ELAVL1: variants seen among roughly 807,000 people sequenced by gnomAD.
ELAVL1 encodes the protein ELAV-like protein 1.
Under a neutral mutation model 28.4 loss-of-function variants are expected in ELAVL1, and 1 was observed. The observed-to-expected ratio is 0.04, with a 90% CI of 0.01 to 0.17. The LOEUF is 0.17. ELAVL1 is among the 10% of genes least tolerant of loss of function. The pLI is 1.00. For synonymous variants in ELAVL1, 174 were observed against 183.5 expected, an observed-to-expected ratio of 0.95 and a Z score of 0.42; for missense variants, 157 against 447.2, an observed-to-expected ratio of 0.35 and a Z score of 5.85.
rs1326463554 is a variant in ELAVL1 at position 7,961,494 on chromosome 19, C to T, written c.*1989G>A. 6.6e-6 allele frequency: 1 copy of T among 152,212 alleles called. No homozygotes were observed. The highest frequency in any genetic ancestry group is 6.5e-5 in the Admixed American group (1 of 15,278). 9.4% of individuals were successfully genotyped at this position (152,212 alleles called of 1,614,324 possible). A position where few individuals can be genotyped will look rare whatever the true frequency, so the allele number is the denominator to read the frequency against. ...GGGAAACCTGAAAGGCTTCTTTTTCCAGGAAAGCATTCTGGTCCCAGGATG... is the reference window on the plus strand; with the variant it reads ...GGGAAACCTGAAAGGCTTCTTTTTCTAGGAAAGCATTCTGGTCCCAGGATG... On this transcript the variant is annotated 3_prime_UTR_variant, in exon 6 of 6. Transcript: ENST00000407627.
At chr19:7,986,744 CGAT>C (rs1568313933) in intron 2 of ELAVL1, among the ~76,000 whole-genome samples, 1 of 152,100 alleles carries the variant, frequency 6.6e-6, no homozygotes, top group African/African-American at 2.4e-5. Flanking sequence ...ACTATGCGAC[CGAT>C]GATGATGGGA....
At chr19:7,972,687 C>T (rs1007604703) in intron 4 of ELAVL1, among the ~76,000 whole-genome samples, 1 of 151,306 alleles carries the variant, frequency 6.6e-6, no homozygotes, top group South Asian at 2.1e-4. Flanking sequence ...AGTGTAGTGG[C>T]GCGATCACGG....
At position 8,005,590 on chromosome 19, in the gene ELAVL1, GCGGCGGTGGCGGCGACGGCGA is replaced by G. The variant is rs1352176807; in HGVS notation, c.-133_-113del. 2 of 149,166 alleles carry G rather than the reference GCGGCGGTGGCGGCGACGGCGA, an allele frequency of 1.3e-5. No individual in the cohort carries two copies. The highest frequency in any genetic ancestry group is 3.0e-5 in the Non-Finnish European group (2 of 67,086). 9.2% of individuals were successfully genotyped at this position (149,166 alleles called of 1,614,324 possible). A position where few individuals can be genotyped will look rare whatever the true frequency, so the allele number is the denominator to read the frequency against. The stretch of plus-strand genomic sequence containing the variant: ...GCTCCGCTCGGCCTCGGTAGCGGTG[GCGGCGGTGGCGGCGACGGCGA>G]CGGCGGCAGCGGCTCCTCCTCAGCG... On this transcript the variant is annotated 5_prime_UTR_variant, in exon 1 of 6. Transcript: ENST00000407627.
chr19:7,983,520 A>G (rs1985521118), intron 2 of ELAVL1, among the ~76,000 whole-genome samples: 1 of 152,152 alleles, frequency 6.6e-6, no homozygotes, highest in Admixed American at 6.5e-5. Flanking sequence ...GATTCCTGTG[A>G]TATGGATTCT....
intron 1 of ELAVL1, among the ~76,000 whole-genome samples, chr19:8,002,988 ACTC>A (rs1222206641): frequency 1.3e-5 from 2 of 152,110 alleles, no homozygotes; most frequent in Non-Finnish European, 2.9e-5. Flanking sequence ...ACAGAACAGA[ACTC>A]CTGCTGGAGT....
At chr19:7,966,616 T>A (rs1984961467) in intron 5 of ELAVL1, among the ~76,000 whole-genome samples, 1 of 152,132 alleles carries the variant, frequency 6.6e-6, no homozygotes, top group Admixed American at 6.5e-5. Flanking sequence ...ATATGAGACG[T>A]TCATTATTCA....
At chr19:7,966,306 G>C (rs1458082514) in intron 5 of ELAVL1, among the ~76,000 whole-genome samples, 1 of 152,150 alleles carries the variant, frequency 6.6e-6, no homozygotes, top group Admixed American at 6.5e-5. Context: ...CTGTTTCTGA[G>C]GCGACAGCAC....
At chr19:7,986,386 G>A (rs1985602339) in intron 2 of ELAVL1, among the ~76,000 whole-genome samples, 1 of 152,166 alleles carries the variant, frequency 6.6e-6, no homozygotes, top group South Asian at 2.1e-4. Context: ...GGACAAGAAG[G>A]GTATTTTACA....
Position 7,972,151 on chromosome 19 carries a change from G to A in ELAVL1, c.430+1574C>T, listed in dbSNP as rs564283936. 7.2e-5 allele frequency among the ~76,000 whole-genome samples: 11 copies of A among 152,370 alleles called. No homozygotes were observed. The East Asian group carries it at 1.5e-3, about 21-fold the overall frequency. On this transcript the variant is annotated intron_variant, in intron 4 of 5. Transcript: ENST00000407627. Reference sequence around the variant, plus strand: ...GCATGGGCCTCACTAGGCTCAGGGAGTGGATTCTTCCCTGCTGGTTAGTTA... The same window carrying A: ...GCATGGGCCTCACTAGGCTCAGGGAATGGATTCTTCCCTGCTGGTTAGTTA...
chr19:7,990,834 G>A (rs902431937), intron 2 of ELAVL1, among the ~76,000 whole-genome samples: 3 of 152,152 alleles, frequency 2.0e-5, no homozygotes, highest in African/African-American at 7.2e-5. Flanking sequence ...GCCATTGGGA[G>A]AGGAGGAGGA....
At chr19:7,966,130 A>C (rs188529491) in intron 5 of ELAVL1, among the ~76,000 whole-genome samples, 68 of 152,270 alleles carry the variant, frequency 4.5e-4, no homozygotes, top group Non-Finnish European at 8.4e-4. Context: ...CTAGGAGTTT[A>C]AGACCAGCCT....
At chr19:7,974,313 C>A (rs1028296646) in intron 3 of ELAVL1, among the ~76,000 whole-genome samples, 2 of 152,232 alleles carry the variant, frequency 1.3e-5, no homozygotes, top group Non-Finnish European at 2.9e-5. Flanking sequence ...GCAAGCTCGC[C>A]ACAGAAGCCC....
At position 7,961,837 on chromosome 19, in the gene ELAVL1, C is replaced by T. The variant is rs1169095724; in HGVS notation, c.*1646G>A. ...CTGCCTATTGCTCAATTTCACACTT[C>T]AATAAATAAATACATAAATAGGTAT... On this transcript the variant is annotated 3_prime_UTR_variant, in exon 6 of 6. Coordinates refer to ENST00000407627, the MANE Select transcript of ELAVL1 (RefSeq NM_001419.3). 6.6e-6 allele frequency: 1 copy of T among 152,084 alleles called. No individual in the cohort carries two copies. Among genetic ancestry groups the T allele is most frequent in the Non-Finnish European group, 1.5e-5 (1 of 68,026 alleles). The allele number at this position is 152,084 out of a possible 1,614,324, so 9.4% of individuals were successfully genotyped here.
chr19:7,967,025 CTTTT>C (rs770671359), intron 5 of ELAVL1, among the ~76,000 whole-genome samples: 3 of 140,576 alleles, frequency 2.1e-5, no homozygotes, highest in Non-Finnish European at 3.1e-5. Context: ...CTGGTGCTGT[CTTTT>C]TTTTTTTTTT....
At chr19:7,990,277 C>G (rs972145971) in intron 2 of ELAVL1, among the ~76,000 whole-genome samples, 7 of 151,974 alleles carry the variant, frequency 4.6e-5, no homozygotes, top group Non-Finnish European at 5.9e-5. Flanking sequence ...CTGCCTTGAC[C>G]TCCCAAAGTG....
At position 7,982,973 on chromosome 19, in the gene ELAVL1, C is replaced by T. The variant is rs528236816; in HGVS notation, c.173-1787G>A. On this transcript the variant is annotated intron_variant, in intron 2 of 5. Coordinates refer to ENST00000407627, the MANE Select transcript of ELAVL1 (RefSeq NM_001419.3). The surrounding 1 kb of genome is among the most constrained non-coding windows in gnomAD (Gnocchi z 4.3). ...CTGGTGCTGACCGTGATCACTGGGCCGAGGCAGTCAGTTTGCCAGGTTTCT... is the reference window on the plus strand; with the variant it reads ...CTGGTGCTGACCGTGATCACTGGGCTGAGGCAGTCAGTTTGCCAGGTTTCT... 3.9e-5 allele frequency among the ~76,000 whole-genome samples: 6 copies of T among 152,316 alleles called. No individual in the cohort carries two copies. Among genetic ancestry groups the T allele is most frequent in the African/African-American group, 7.2e-5 (3 of 41,576 alleles).
At chr19:7,987,253 A>T (rs1985632030) in intron 2 of ELAVL1, among the ~76,000 whole-genome samples, 1 of 152,086 alleles carries the variant, frequency 6.6e-6, no homozygotes, top group East Asian at 1.9e-4. Flanking sequence ...GACCAGAGAT[A>T]TACAGCAAGA....
In ELAVL1 at chr19:7,979,763, T is replaced by C. The variant is rs995729106; in HGVS notation, c.276+1320A>G. Among the ~76,000 whole-genome samples the C allele has an allele frequency of 1.3e-5, 2 of 152,154 alleles. No individual in the cohort carries two copies. The highest frequency in any genetic ancestry group is 4.8e-5 in the African/African-American group (2 of 41,444). On this transcript the variant is annotated intron_variant, in intron 3 of 5. Coordinates refer to ENST00000407627, the MANE Select transcript of ELAVL1 (RefSeq NM_001419.3). The surrounding 1 kb of genome is among the most constrained non-coding windows in gnomAD (Gnocchi z 5.4). ...GGGAGCCCACTGCACACCACGTCCA[T>C]GCGGCATGGGGCAGGTCTGGGAGAG... is the stretch of plus-strand genomic sequence containing the variant.
chr19:7,992,096 A>T (rs1042508540), intron 1 of ELAVL1, among the ~76,000 whole-genome samples: 1 of 152,084 alleles, frequency 6.6e-6, no homozygotes, highest in South Asian at 2.1e-4. Context: ...GTCTGCCACC[A>T]TGCCCAGCTA....
Sources: gnomAD v4.1 joint callset for allele counts (sites outside exome capture counted in the v4.1 genomes callset) on GRCh38, gnomAD v4.1.1 for gene constraint, Gnocchi (gnomAD v3.1) non-coding constraint, MANE v1.5 for transcripts, NCBI Gene and HGNC (gene_info 2026-07-23, HGNC 2026-07-21) for gene names.